Variants in LRP6 observed in about 807,000 individuals in gnomAD.
The protein encoded by LRP6 is low-density lipoprotein receptor-related protein 6.
A neutral mutation model predicts 184.1 loss-of-function variants in LRP6; 43 were observed. The ratio of observed to expected loss-of-function variants is 0.23; its 90% CI spans 0.18 to 0.30. The LOEUF (loss-of-function observed/expected upper bound fraction) is 0.30, where lower values mean the gene tolerates loss of function less well. LRP6 is among the 10% of genes least tolerant of loss of function. LRP6 has a pLI of 1.00. For synonymous variants in LRP6, 719 were observed against 684.9 expected, an observed-to-expected ratio of 1.05 and a Z score of -0.78; for missense variants, 1,571 against 2,005.3, an observed-to-expected ratio of 0.78 and a Z score of 4.14.
intron 2 of LRP6, among the ~76,000 whole-genome samples, chr12:12,211,985 A>C (rs981921239): frequency 1.3e-5 from 2 of 152,308 alleles, no homozygotes; most frequent in Non-Finnish European, 2.9e-5. Flanking sequence ...ATAAAAATGA[A>C]ATATTAACTG....
Position 12,266,823 on chromosome 12 carries a change from G to T in LRP6, c.-88C>A. On this transcript the variant is annotated 5_prime_UTR_variant, in exon 1 of 23. The change creates a new upstream start codon in the 5' untranslated region. Coordinates refer to ENST00000261349, the MANE Select transcript of LRP6 (RefSeq NM_002336.3). The stretch of plus-strand genomic sequence containing the variant: ...AGCCGGGGCGGCCGCCGCAGCGGCA[G>T]GGCTGCACGCTCATACTTCCCAGCT... 9.5e-7 allele frequency: 1 copy of T among 1,047,398 alleles called. No individual in the cohort carries two copies. The highest frequency in any genetic ancestry group is 1.5e-6 in the Non-Finnish European group (1 of 680,014). The allele number at this position is 1,047,398 out of a possible 1,614,324, so 64.9% of individuals were successfully genotyped here. A position where few individuals can be genotyped will look rare whatever the true frequency, so the allele number is the denominator to read the frequency against.
At chr12:12,188,277 A>T (rs1170306659) in intron 3 of LRP6, among the ~76,000 whole-genome samples, 3 of 151,976 alleles carry the variant, frequency 2.0e-5, no homozygotes, top group African/African-American at 7.2e-5. Flanking sequence ...TCACGTTTTG[A>T]GTCAAAATAA....
intron 15 of LRP6, among the ~76,000 whole-genome samples, chr12:12,142,160 G>A (rs777621240): frequency 6.6e-5 from 10 of 152,146 alleles, no homozygotes; most frequent in Non-Finnish European, 1.3e-4. Flanking sequence ...CAGTAGGCTT[G>A]TTTTTTGTTA....
chr12:12,263,959 A>G (rs2135950989), intron 1 of LRP6, among the ~76,000 whole-genome samples: 1 of 152,174 alleles, frequency 6.6e-6, no homozygotes, highest in South Asian at 2.1e-4. Context: ...GCAACATATC[A>G]AGACACCCCC....
At chr12:12,143,419 A>G (rs914002059) in intron 15 of LRP6, among the ~76,000 whole-genome samples, 1 of 152,232 alleles carries the variant, frequency 6.6e-6, no homozygotes, top group Non-Finnish European at 1.5e-5. Flanking sequence ...AGCTGATTCT[A>G]CAATGTACAT....
At chr12:12,194,460 AATT>A in intron 3 of LRP6, among the ~76,000 whole-genome samples, 1 of 152,108 alleles carries the variant, frequency 6.6e-6, no homozygotes, top group African/African-American at 2.4e-5. Context: ...TAGAAGTAAC[AATT>A]ATTCTGATTT....
intron 2 of LRP6, among the ~76,000 whole-genome samples, chr12:12,218,914 T>G (rs1162160719): frequency 6.6e-6 from 1 of 151,712 alleles, no homozygotes; most frequent in African/African-American, 2.4e-5. Context: ...ACACTGCTAG[T>G]GGAAATATAA....
chr12:12,185,293 C>A (rs948314118), intron 4 of LRP6, among the ~76,000 whole-genome samples: 1 of 151,896 alleles, frequency 6.6e-6, no homozygotes, highest in Non-Finnish European at 1.5e-5. Flanking sequence ...TCTCAAAAAA[C>A]AAACAAAAAA....
rs1949659056 is a variant in LRP6, at chr12:12,125,383, T to TC, written c.4361dup (p.Ser1455LysfsTer7). Reference sequence around the variant, plus strand: ...CTCGGTCATAGGGGGGTCCACTGCTTCCCCCCATGATACTGAGGGAGCTGA... The same window carrying TC: ...CTCGGTCATAGGGGGGTCCACTGCTTCCCCCCCATGATACTGAGGGAGCTGA... On this transcript the variant is annotated frameshift_variant, in exon 21 of 23. Transcript: ENST00000261349. LOFTEE classifies it high-confidence loss of function. 6.2e-7 allele frequency: 1 copy of TC among 1,613,224 alleles called. No individual in the cohort carries two copies. Among genetic ancestry groups the TC allele is most frequent in the Non-Finnish European group, 8.5e-7 (1 of 1,179,482 alleles).
chr12:12,175,770 G>A (rs116050491), intron 7 of LRP6, among the ~76,000 whole-genome samples: 1,679 of 150,766 alleles, frequency 0.011, 26 homozygotes, highest in African/African-American at 0.038. Context: ...AACTGTGAGA[G>A]AAATTTAGCA....
At chr12:12,263,206 A>C (rs1865664892) in intron 1 of LRP6, among the ~76,000 whole-genome samples, 1 of 151,500 alleles carries the variant, frequency 6.6e-6, no homozygotes, top group African/African-American at 2.4e-5. Flanking sequence ...CGGAGGTTGC[A>C]GTGAGCCGAG....
chr12:12,170,680 C>T (rs1199801413), intron 7 of LRP6, among the ~76,000 whole-genome samples: 1 of 151,898 alleles, frequency 6.6e-6, no homozygotes, highest in Non-Finnish European at 1.5e-5. Context: ...CACCTTCAGG[C>T]TTACCTCAGA....
intron 2 of LRP6, among the ~76,000 whole-genome samples, chr12:12,227,264 T>C (rs1864651216): frequency 6.6e-6 from 1 of 152,198 alleles, no homozygotes; most frequent in Non-Finnish European, 1.5e-5. Flanking sequence ...GAGGGATTTG[T>C]TACCAGTAGA....
At chr12:12,203,100 C>T in intron 3 of LRP6, 103 bp downstream of exon 3, 1 of 788,340 alleles carries the variant, frequency 1.3e-6, no homozygotes. Flanking sequence ...CCCTCTGGCA[C>T]TTAGTCAAAA....
Position 12,186,924 on chromosome 12 carries a change from A to AT in LRP6, c.842dup (p.Asn281LysfsTer9). On this transcript the variant is annotated frameshift_variant and splice_region_variant, in exon 4 of 23. Transcript: ENST00000261349. LOFTEE classifies it high-confidence loss of function. Reference sequence around the variant, plus strand: ...ATTTAAAAATCAAGGATCACTTACCATTTGGCTGCCTCTGTTGGCTGAAGG... The same window carrying AT: ...ATTTAAAAATCAAGGATCACTTACCATTTTGGCTGCCTCTGTTGGCTGAAGG... The AT allele has an allele frequency of 6.2e-7, 1 of 1,614,022 alleles. No homozygotes were observed. Among genetic ancestry groups the AT allele is most frequent in the Non-Finnish European group, 8.5e-7 (1 of 1,179,872 alleles).
At chr12:12,142,035 T>A (rs1324233349) in intron 15 of LRP6, among the ~76,000 whole-genome samples, 1 of 152,172 alleles carries the variant, frequency 6.6e-6, no homozygotes. Context: ...AGTCAATGTT[T>A]AACGTCTAAA....
Position 12,266,925 on chromosome 12 carries a change from G to T in LRP6, c.-190C>A, listed in dbSNP as rs770488820. The T allele has an allele frequency of 1.7e-6, 1 of 603,588 alleles. No homozygotes were observed. The highest frequency in any genetic ancestry group is 2.9e-6 in the Non-Finnish European group (1 of 341,918). The allele number at this position is 603,588 out of a possible 1,614,324, so 37.4% of individuals were successfully genotyped here. ...CGCCGCCCTCTCTACCGCGCCGCTC[G>T]GCCCCGGGCTCGCGCGACGCCAGCG... is the stretch of plus-strand genomic sequence containing the variant. On this transcript the variant is annotated 5_prime_UTR_variant, in exon 1 of 23. Coordinates refer to ENST00000261349, the MANE Select transcript of LRP6 (RefSeq NM_002336.3).
intron 2 of LRP6, among the ~76,000 whole-genome samples, chr12:12,208,126 A>G (rs1406150175): frequency 6.6e-6 from 1 of 152,252 alleles, no homozygotes; most frequent in African/African-American, 2.4e-5. Context: ...AATGTCAAGG[A>G]TGACTTTTTA....
intron 2 of LRP6, among the ~76,000 whole-genome samples, chr12:12,228,503 CT>C (rs952280184): frequency 2.4e-4 from 36 of 152,192 alleles, no homozygotes; most frequent in African/African-American, 8.4e-4. Flanking sequence ...AGACTGTGCC[CT>C]TCTCTAGTGC....
Sources: gnomAD v4.1 joint callset for allele counts (sites outside exome capture counted in the v4.1 genomes callset) on GRCh38, gnomAD v4.1.1 for gene constraint, MANE v1.5 for transcripts, NCBI Gene and HGNC (gene_info 2026-07-23, HGNC 2026-07-21) for gene names.